The following INPP4A variants were observed in gnomAD, a reference collection of about 807,000 sequenced individuals.
INPP4A encodes the protein inositol polyphosphate-4-phosphatase type I A, also known as inositol polyphosphate-4-phosphatase, type I, 107kD.
In INPP4A, 33 loss-of-function variants were observed where a neutral mutation model predicts 119.8. The observed-to-expected ratio is 0.28, with a 90% CI of 0.21 to 0.37. INPP4A has a LOEUF of 0.37. Among genes scored for constraint, INPP4A ranks in the 10% least tolerant of loss-of-function variants. The pLI is 1.00. For missense variants in INPP4A, 956 were observed against 1,289.9 expected (o/e 0.74, Z 3.97); for synonymous variants, 496 against 500.7 (o/e 0.99, Z 0.12).
intron 1 of INPP4A, among the ~76,000 whole-genome samples, chr2:98,446,674 C>T (rs954992762): frequency 6.6e-6 from 1 of 152,010 alleles, no homozygotes; most frequent in Admixed American, 6.6e-5. Flanking sequence ...TACCTGGCCA[C>T]CTTACTCATC....
intron 1 of INPP4A, among the ~76,000 whole-genome samples, chr2:98,476,930 C>T (rs1051764619): frequency 4.6e-5 from 7 of 152,206 alleles, no homozygotes; most frequent in African/African-American, 1.2e-4. Flanking sequence ...CTTGATCCAG[C>T]GGCATGGCCT....
rs1172345623 is a variant in INPP4A at position 98,555,807 on chromosome 2, A to G, written c.1821A>G (p.Thr607=). 1 of 1,553,602 alleles carries G rather than the reference A, an allele frequency of 6.4e-7. No individual in the cohort carries two copies. Among genetic ancestry groups the G allele is most frequent in the Non-Finnish European group, 8.7e-7 (1 of 1,147,228 alleles). The part of the protein sequence containing the change: ...PSTACHPHLT[T]HCSPPPEESS... ...CTGCATGCCATCCTCATCTGACCAC[A>G]CGTGCGTATGCATCCATGCTTCCCA... Residue 607 remains threonine (T), a splice_region_variant and synonymous_variant, in exon 16 of 25, where the codon ACA becomes ACG. Coordinates refer to ENST00000409851, the MANE Select transcript of INPP4A (RefSeq NM_001134225.2).
chr2:98,449,188 T>C (rs1473614781), intron 1 of INPP4A, among the ~76,000 whole-genome samples: 1 of 152,216 alleles, frequency 6.6e-6, no homozygotes, highest in East Asian at 1.9e-4. Flanking sequence ...TAAATATAGT[T>C]ACTGCTCATA....
At chr2:98,479,282 G>A (rs542453099) in intron 1 of INPP4A, among the ~76,000 whole-genome samples, 1 of 152,280 alleles carries the variant, frequency 6.6e-6, no homozygotes, top group South Asian at 2.1e-4. Context: ...GTGCTGATGG[G>A]GGGTATCTGC....
At chr2:98,536,100 A>G (rs1176565983) in intron 6 of INPP4A, 29 bp from the exon 7 acceptor site, 9 of 1,471,266 alleles carry the variant, frequency 6.1e-6, no homozygotes, top group Admixed American at 3.4e-5. Flanking sequence ...AAGCGCACCA[A>G]TGCTGCCTCT....
chr2:98,494,486 G>A (rs956611477), intron 1 of INPP4A, among the ~76,000 whole-genome samples: 43 of 152,082 alleles, frequency 2.8e-4, no homozygotes, highest in Admixed American at 2.4e-3. Flanking sequence ...CAGTCTGTGC[G>A]CCCAGCTCTA....
At chr2:98,489,555 A>C (rs1264638129) in intron 1 of INPP4A, among the ~76,000 whole-genome samples, 1 of 152,108 alleles carries the variant, frequency 6.6e-6, no homozygotes, top group Non-Finnish European at 1.5e-5. Flanking sequence ...GTCTGTCGAT[A>C]ACATTGGTAC....
intron 21 of INPP4A, among the ~76,000 whole-genome samples, chr2:98,568,233 C>G (rs945488639): frequency 2.0e-5 from 3 of 152,188 alleles, no homozygotes; most frequent in Non-Finnish European, 2.9e-5. Context: ...GCCGTCCCCC[C>G]TCCTAAGTGC....
chr2:98,522,450 C>G (rs908158401), intron 4 of INPP4A, among the ~76,000 whole-genome samples: 1 of 151,642 alleles, frequency 6.6e-6, no homozygotes, highest in African/African-American at 2.4e-5. Context: ...TTAAAAAATT[C>G]TATGAAGTTT....
chr2:98,527,520 C>T (rs150826439), intron 4 of INPP4A, among the ~76,000 whole-genome samples: 1 of 152,282 alleles, frequency 6.6e-6, no homozygotes, highest in African/African-American at 2.4e-5. Context: ...CTTTCATATT[C>T]CTGGGAACTT....
chr2:98,534,589 G>A (rs1689865264), intron 5 of INPP4A, among the ~76,000 whole-genome samples: 1 of 152,232 alleles, frequency 6.6e-6, no homozygotes, highest in African/African-American at 2.4e-5. Flanking sequence ...ATGCAAATGT[G>A]TGACCACAGG....
chr2:98,488,195 A>G (rs1679940798), intron 1 of INPP4A, among the ~76,000 whole-genome samples: 1 of 151,900 alleles, frequency 6.6e-6, no homozygotes, highest in Non-Finnish European at 1.5e-5. Flanking sequence ...ACTGCAAGAT[A>G]CTCCAGGCTC....
intron 19 of INPP4A, 73 bp from the exon 20 acceptor site, chr2:98,565,567 G>C: frequency 6.6e-7 from 1 of 1,509,452 alleles, no homozygotes; most frequent in African/African-American, 1.4e-5. Flanking sequence ...CCTGGGCTTG[G>C]CTGCCTTCTG....
intron 22 of INPP4A, among the ~76,000 whole-genome samples, chr2:98,571,176 G>T (rs1355682136): frequency 6.6e-6 from 1 of 152,192 alleles, no homozygotes; most frequent in Admixed American, 6.5e-5. Context: ...CACAAGCTGG[G>T]CCCCCTACTA....
chr2:98,565,491 G>C, intron 19 of INPP4A, 149 bp from the exon 20 acceptor site: 1 of 704,128 alleles, frequency 1.4e-6, no homozygotes, highest in Non-Finnish European at 2.2e-6. Context: ...GTGAGTTGCA[G>C]GGGAAGAGGC....
chr2:98,537,820 C>A, intron 7 of INPP4A, 43 bp from the exon 8 acceptor site: 1 of 1,422,458 alleles, frequency 7.0e-7, no homozygotes, highest in Non-Finnish European at 9.8e-7. Context: ...AGAAAAGAAG[C>A]ACAGTTGCAG....
chr2:98,581,629 T>C, intron 24 of INPP4A: 1 of 1,574,958 alleles, frequency 6.3e-7, no homozygotes. Flanking sequence ...CTGGTGCCCA[T>C]CCGAGACTTA....
At position 98,506,802 on chromosome 2, in the gene INPP4A, G is replaced by A. The variant is rs528314927; in HGVS notation, c.-165-12162G>A. Among the ~76,000 whole-genome samples the A allele has an allele frequency of 4.6e-5, 7 of 152,338 alleles. No individual in the cohort carries two copies. In the East Asian group the frequency reaches 1.2e-3, roughly 25 times the overall value. ...GGGGTCCTGGGCACATTTGGACTTT[G>A]CCTCCTGGAGTGGCCCACAATGCGG... On this transcript the variant is annotated intron_variant, in intron 1 of 24. Transcript: ENST00000409851.
At chr2:98,499,796 A>G (rs1430587652) in intron 1 of INPP4A, among the ~76,000 whole-genome samples, 1 of 152,236 alleles carries the variant, frequency 6.6e-6, no homozygotes, top group East Asian at 1.9e-4. Flanking sequence ...GTAACTTTCA[A>G]GGACAAAAGG....
Sources: allele counts gnomAD v4.1 joint callset (sites outside exome capture counted in the v4.1 genomes callset), GRCh38; gene constraint gnomAD v4.1.1; transcripts MANE v1.5; gene names NCBI Gene and HGNC (gene_info 2026-07-23, HGNC 2026-07-21).